Variants in TRPM3 observed in about 807,000 individuals in gnomAD.
TRPM3 encodes the protein transient receptor potential cation channel subfamily M member 3, also known as long transient receptor potential channel 3.
Under a neutral mutation model 181.2 loss-of-function variants are expected in TRPM3, and 77 were observed. The ratio of observed to expected loss-of-function variants is 0.42; its 90% CI spans 0.35 to 0.51. The LOEUF is 0.51. Ranked by LOEUF, TRPM3 falls within the 20% of genes least tolerant of loss-of-function variation. The probability of loss-of-function intolerance (pLI) is 0.01; values close to 1 mark genes in which losing one functional copy is unlikely to be tolerated. For missense variants in TRPM3, 1,759 were observed against 2,196.7 expected (o/e 0.80, Z 3.98); for synonymous variants, 745 against 796.4 (o/e 0.94, Z 1.09).
In TRPM3 at chr9:70,536,512, C is replaced by A. The variant is rs2041793900; in HGVS notation, c.4601G>T (p.Ser1534Ile). ...LEEAPIVKSH[S>I]FMFSPSRSYY... ...GCTCCTTGAGGGGGAAAACATAAAG[C>A]TATGAGATTTCACAATGGGAGCCTC... is the stretch of plus-strand genomic sequence containing the variant. Residue 1534 changes from serine (S) to isoleucine (I), a missense_variant, in exon 26 of 26, where the codon AGC (serine) becomes ATC (isoleucine). By Grantham distance (142) the Ser-to-Ile change is moderately radical (BLOSUM62 -2). Coordinates refer to ENST00000677713, the MANE Select transcript of TRPM3 (RefSeq NM_001366145.2). 1.9e-6 allele frequency: 3 copies of A among 1,614,054 alleles called. No homozygotes were observed. The highest frequency in any genetic ancestry group is 2.5e-6 in the Non-Finnish European group (3 of 1,180,052).
chr9:70,831,973 A>AATATT (rs1450235617), intron 5 of TRPM3, among the ~76,000 whole-genome samples: 69 of 74,624 alleles, frequency 9.2e-4, no homozygotes, highest in African/African-American at 4.3e-3. Context: ...ATATATATAT[A>AATATT]TATATATATA....
chr9:71,437,887 A>T (rs2094070384), intron 1 of TRPM3, among the ~76,000 whole-genome samples: 1 of 151,990 alleles, frequency 6.6e-6, no homozygotes, highest in Non-Finnish European at 1.5e-5. Flanking sequence ...AAAAGAAAAA[A>T]AAACCCTAAA....
intron 1 of TRPM3, among the ~76,000 whole-genome samples, chr9:70,937,388 T>G (rs1316824942): frequency 6.6e-6 from 1 of 152,174 alleles, no homozygotes; most frequent in Non-Finnish European, 1.5e-5. Context: ...CTAAATGCAG[T>G]CTTTTCAAGT....
At chr9:70,581,950 TTCTCCTTCC>T (rs36213111) in intron 22 of TRPM3, among the ~76,000 whole-genome samples, 43,292 of 144,664 alleles carry the variant, frequency 0.3, 6,754 homozygotes, top group East Asian at 0.52. Flanking sequence ...TTTCCTTGTC[TTCTCCTTCC>T]TTTCTTCCTT....
At chr9:70,933,543 A>G (rs988863629) in intron 1 of TRPM3, among the ~76,000 whole-genome samples, 2 of 152,204 alleles carry the variant, frequency 1.3e-5, no homozygotes, top group African/African-American at 4.8e-5. Context: ...GCAGAGAGCC[A>G]TCTATGGAGT....
chr9:71,357,387 GT>G (rs1236168029), intron 1 of TRPM3, among the ~76,000 whole-genome samples: 3 of 152,186 alleles, frequency 2.0e-5, no homozygotes, highest in Non-Finnish European at 4.4e-5. Flanking sequence ...AGTGAGGGAT[GT>G]GTAATGTGAT....
At chr9:70,738,913 C>A (rs1357726256) in intron 8 of TRPM3, among the ~76,000 whole-genome samples, 1 of 151,758 alleles carries the variant, frequency 6.6e-6, no homozygotes, top group Admixed American at 6.6e-5. Flanking sequence ...TACAGCACTC[C>A]CTAGATTAAA....
chr9:71,074,416 G>T (rs374244310), intron 1 of TRPM3, among the ~76,000 whole-genome samples: 1 of 152,148 alleles, frequency 6.6e-6, no homozygotes, highest in African/African-American at 2.4e-5. Context: ...TTGAAGAGTT[G>T]AGAGTTTTGG....
chr9:71,423,213 CT>C (rs1193095256), intron 1 of TRPM3, among the ~76,000 whole-genome samples: 2 of 152,020 alleles, frequency 1.3e-5, no homozygotes, highest in South Asian at 2.1e-4. Flanking sequence ...CAGATTTTCA[CT>C]TTTTGACAGA....
chr9:70,930,843 A>G (rs375665988), intron 1 of TRPM3, among the ~76,000 whole-genome samples: 10 of 152,164 alleles, frequency 6.6e-5, no homozygotes, highest in African/African-American at 2.2e-4. Context: ...TTTAGTTGAG[A>G]ACAGGAAAAA....
At chr9:70,683,816 G>A (rs1012678651) in intron 8 of TRPM3, among the ~76,000 whole-genome samples, 4 of 152,150 alleles carry the variant, frequency 2.6e-5, no homozygotes, top group African/African-American at 9.7e-5. Flanking sequence ...TCTATCCTCT[G>A]AACTCAGGAA....
At chr9:70,946,983 T>G (rs1017431011) in intron 1 of TRPM3, among the ~76,000 whole-genome samples, 9 of 152,226 alleles carry the variant, frequency 5.9e-5, no homozygotes. Flanking sequence ...CACTTTTGAA[T>G]AGTTCCTAGA....
At position 71,097,925 on chromosome 9, in the gene TRPM3, A is replaced by G. The variant is rs982562761; in HGVS notation, c.177+23253T>C. Among the ~76,000 whole-genome samples the G allele has an allele frequency of 3.9e-5, 6 of 152,140 alleles. No individual in the cohort carries two copies. In the South Asian group the frequency reaches 1.2e-3, roughly 32 times the overall value. Reference sequence around the variant, plus strand: ...GTGGAAAGGACAGGATCTATGATTAAATCTGTCCAGCAAGGGAAAGATGTA... The same window carrying G: ...GTGGAAAGGACAGGATCTATGATTAGATCTGTCCAGCAAGGGAAAGATGTA... On this transcript the variant is annotated intron_variant, in intron 1 of 25. Coordinates refer to ENST00000677713, the MANE Select transcript of TRPM3 (RefSeq NM_001366145.2).
At chr9:71,226,753 C>A (rs2080688607) in intron 1 of TRPM3, among the ~76,000 whole-genome samples, 1 of 151,812 alleles carries the variant, frequency 6.6e-6, no homozygotes, top group African/African-American at 2.4e-5. Context: ...ATTATTAGAG[C>A]TAGATAGAGA....
At chr9:71,426,550 C>T (rs187419832) in intron 1 of TRPM3, among the ~76,000 whole-genome samples, 44 of 152,224 alleles carry the variant, frequency 2.9e-4, no homozygotes, top group Admixed American at 7.9e-4. Flanking sequence ...CCAGGGCTGG[C>T]TTCGGGGACA....
intron 1 of TRPM3, among the ~76,000 whole-genome samples, chr9:71,199,239 G>T (rs11531869): frequency 0.42 from 63,248 of 149,266 alleles, 13,850 homozygotes; most frequent in East Asian, 0.51. Flanking sequence ...GATCATGGTG[G>T]ATAAGCTTTT....
At chr9:71,287,591 A>G (rs142685692) in intron 1 of TRPM3, among the ~76,000 whole-genome samples, 331 of 152,114 alleles carry the variant, frequency 2.2e-3, no homozygotes, top group African/African-American at 7.6e-3. Flanking sequence ...ACTTCAATGT[A>G]CAAAAAAACT....
At chr9:71,263,157 C>G (rs984871757) in intron 1 of TRPM3, among the ~76,000 whole-genome samples, 1 of 152,160 alleles carries the variant, frequency 6.6e-6, no homozygotes, top group African/African-American at 2.4e-5. Flanking sequence ...AAAACTATTA[C>G]AATCCTGATT....
chr9:71,283,201 C>G (rs1277797460), intron 1 of TRPM3, among the ~76,000 whole-genome samples: 1 of 152,218 alleles, frequency 6.6e-6, no homozygotes, highest in East Asian at 1.9e-4. Context: ...GTAAGTGGAA[C>G]CATGCAGTAT....
Sources: gnomAD v4.1 joint callset for allele counts (sites outside exome capture counted in the v4.1 genomes callset) on GRCh38, gnomAD v4.1.1 for gene constraint, MANE v1.5 for transcripts, NCBI Gene and HGNC (gene_info 2026-07-23, HGNC 2026-07-21) for gene names.